ANO2: variants seen among roughly 807,000 people sequenced by gnomAD.
ANO2 encodes anoctamin-2.
ANO2 carries 101 observed loss-of-function variants against 124.2 expected under a neutral mutation model. That is an observed-to-expected ratio of 0.81 (90% CI 0.69 to 0.96). The LOEUF is 0.96. ANO2 is among the 40% of genes least tolerant of loss of function. The probability of loss-of-function intolerance (pLI) is 0.00; values close to 1 mark genes in which losing one functional copy is unlikely to be tolerated. For synonymous variants in ANO2, 486 were observed against 482.5 expected, an observed-to-expected ratio of 1.01 and a Z score of -0.09; for missense variants, 1,293 against 1,274.5, an observed-to-expected ratio of 1.01 and a Z score of -0.22.
chr12:5,807,268 A>C (rs71579287), intron 8 of ANO2, 45 bp downstream of exon 8: 72,929 of 1,512,146 alleles, frequency 0.048, 2,521 homozygotes, highest in African/African-American at 0.18. Flanking sequence ...TGGTTTTCAA[A>C]GTTTTGAAGA....
At chr12:5,748,664 T>C (rs1951342332) in intron 11 of ANO2, among the ~76,000 whole-genome samples, 1 of 152,142 alleles carries the variant, frequency 6.6e-6, no homozygotes, top group Admixed American at 6.5e-5. Context: ...AACTAGTTTA[T>C]AACAATCACC....
chr12:5,645,202 A>G (rs960243270), intron 15 of ANO2, among the ~76,000 whole-genome samples: 2 of 152,134 alleles, frequency 1.3e-5, no homozygotes, highest in African/African-American at 4.8e-5. Flanking sequence ...GCTATGCTGT[A>G]TTACGGATAA....
chr12:5,802,291 G>A (rs951797883), intron 9 of ANO2, among the ~76,000 whole-genome samples: 1 of 152,234 alleles, frequency 6.6e-6, no homozygotes, highest in Admixed American at 6.5e-5. Flanking sequence ...TATAGATGAG[G>A]AGGAGCCAAG....
At chr12:5,885,505 C>T (rs1477022866) in intron 3 of ANO2, among the ~76,000 whole-genome samples, 2 of 152,210 alleles carry the variant, frequency 1.3e-5, no homozygotes, top group African/African-American at 2.4e-5. Context: ...GCTTCTAATG[C>T]ACTATATCAC....
Position 5,717,420 on chromosome 12 carries a change from T to G in ANO2, c.1545+15100A>C, listed in dbSNP as rs185061875. On this transcript the variant is annotated intron_variant, in intron 14 of 24. Coordinates refer to ENST00000682330, the MANE Select transcript of ANO2 (RefSeq NM_001364791.2). ...ATAAGGAAGACCCCAAGGGAGTTGG[T>G]TTTGGACATCTTGTCTCAGAGGTTT... 5.3e-5 allele frequency among the ~76,000 whole-genome samples: 8 copies of G among 152,302 alleles called. No individual in the cohort carries two copies. The South Asian group carries it at 1.0e-3, about 20-fold the overall frequency.
intron 20 of ANO2, chr12:5,584,045 T>G (rs1229614971): frequency 3.8e-6 from 1 of 261,570 alleles, no homozygotes; most frequent in African/African-American, 2.3e-5. Flanking sequence ...TTGCACCAGA[T>G]AAAGACTATT....
intron 1 of ANO2, among the ~76,000 whole-genome samples, chr12:5,939,670 G>A (rs564163148): frequency 2.0e-5 from 3 of 152,368 alleles, no homozygotes; most frequent in South Asian, 4.1e-4. Flanking sequence ...ATGAGTCACA[G>A]TAATGCCATT....
intron 20 of ANO2, among the ~76,000 whole-genome samples, chr12:5,587,495 G>A (rs888597140): frequency 8.5e-5 from 13 of 152,166 alleles, no homozygotes; most frequent in African/African-American, 2.7e-4. Context: ...CATCAGCCCT[G>A]AGGAAAACCC....
At chr12:5,750,103 A>AT (rs548033339) in intron 11 of ANO2, among the ~76,000 whole-genome samples, 370 of 144,886 alleles carry the variant, frequency 2.6e-3, no homozygotes, top group Middle Eastern at 0.014. Flanking sequence ...GCCCAGCTAA[A>AT]TTTTTTTTTT....
chr12:5,832,391 A>G, intron 5 of ANO2, 61 bp downstream of exon 5: 1 of 1,595,860 alleles, frequency 6.3e-7, no homozygotes, highest in Non-Finnish European at 8.6e-7. Flanking sequence ...GTCATAGAAC[A>G]GTATTCAATT....
chr12:5,912,716 C>T (rs867624966), intron 3 of ANO2, among the ~76,000 whole-genome samples: 11 of 152,144 alleles, frequency 7.2e-5, no homozygotes, highest in Non-Finnish European at 1.3e-4. Context: ...AAAGATCCCT[C>T]GGGGTAGGAA....
At chr12:5,770,361 C>A (rs578151080) in intron 10 of ANO2, among the ~76,000 whole-genome samples, 1 of 152,138 alleles carries the variant, frequency 6.6e-6, no homozygotes. Context: ...GAGTGGCTAA[C>A]AAGGGTCCCA....
intron 17 of ANO2, 118 bp downstream of exon 17, chr12:5,615,068 C>T (rs931972226): frequency 7.8e-5 from 52 of 670,102 alleles, no homozygotes; most frequent in South Asian, 6.6e-5. Context: ...GAAAGTGGGG[C>T]GGAGAAGGGG....
intron 3 of ANO2, among the ~76,000 whole-genome samples, chr12:5,871,188 C>G (rs767582291): frequency 2.6e-5 from 4 of 152,096 alleles, no homozygotes; most frequent in Non-Finnish European, 5.9e-5. Context: ...AAAGCAAAAC[C>G]TACAGTCAAA....
intron 14 of ANO2, among the ~76,000 whole-genome samples, chr12:5,656,618 T>G (rs1224530192): frequency 2.0e-5 from 3 of 152,312 alleles, no homozygotes; most frequent in Admixed American, 2.0e-4. Flanking sequence ...GTCTTTCCTC[T>G]TCATGAACTG....
intron 10 of ANO2, among the ~76,000 whole-genome samples, chr12:5,767,060 G>A (rs932572769): frequency 2.0e-5 from 3 of 152,332 alleles, no homozygotes; most frequent in African/African-American, 7.2e-5. Flanking sequence ...CCAACAAGGC[G>A]TGTACCTAGA....
chr12:5,799,792 G>A (rs3825286), intron 9 of ANO2, among the ~76,000 whole-genome samples: 45,410 of 152,018 alleles, frequency 0.3, 6,954 homozygotes, highest in Admixed American at 0.35. Flanking sequence ...AGGCAGTCCT[G>A]CACCTGATTA....
chr12:5,675,086 A>G (rs536758208), intron 14 of ANO2, among the ~76,000 whole-genome samples: 1 of 152,282 alleles, frequency 6.6e-6, no homozygotes, highest in South Asian at 2.1e-4. Context: ...CCCTCCATCA[A>G]TACAAGCTGA....
At chr12:5,689,536 G>A (rs1463087078) in intron 14 of ANO2, among the ~76,000 whole-genome samples, 1 of 152,096 alleles carries the variant, frequency 6.6e-6, no homozygotes, top group African/African-American at 2.4e-5. Flanking sequence ...GTTCATTGAT[G>A]GTAACCTGGT....
Sources: gnomAD v4.1 joint callset for allele counts (sites outside exome capture counted in the v4.1 genomes callset) on GRCh38, gnomAD v4.1.1 for gene constraint, MANE v1.5 for transcripts, NCBI Gene and HGNC (gene_info 2026-07-23, HGNC 2026-07-21) for gene names.